Variants in DIS3L2 observed in about 807,000 individuals in gnomAD.
DIS3L2 encodes DIS3 like 3'-5' exoribonuclease 2.
A neutral mutation model predicts 97.5 loss-of-function variants in DIS3L2; 34 were observed. The ratio of observed to expected loss-of-function variants is 0.35; its 90% CI spans 0.27 to 0.46. The LOEUF (loss-of-function observed/expected upper bound fraction) is 0.46, where lower values mean the gene tolerates loss of function less well. Among genes scored for constraint, DIS3L2 ranks in the 20% least tolerant of loss-of-function variants. The pLI is 1.00. For synonymous variants in DIS3L2, 435 were observed against 445.2 expected, an observed-to-expected ratio of 0.98 and a Z score of 0.29; for missense variants, 1,038 against 1,146.0, an observed-to-expected ratio of 0.91 and a Z score of 1.36.
chr2:232,316,703 A>C (rs1001728593), intron 14 of DIS3L2, among the ~76,000 whole-genome samples: 1 of 152,208 alleles, frequency 6.6e-6, no homozygotes, highest in Non-Finnish European at 1.5e-5. Context: ...GTTCTGCTTC[A>C]TGTTTCAAAG....
chr2:232,115,596 A>G (rs1697681694), intron 6 of DIS3L2, among the ~76,000 whole-genome samples: 1 of 152,118 alleles, frequency 6.6e-6, no homozygotes, highest in Non-Finnish European at 1.5e-5. Flanking sequence ...TGTAATTGCC[A>G]TGTGTCGAGG....
chr2:232,054,732 C>G (rs936424547), intron 5 of DIS3L2, among the ~76,000 whole-genome samples: 11 of 152,130 alleles, frequency 7.2e-5, no homozygotes, highest in Admixed American at 7.2e-4. Context: ...CAAAACTATT[C>G]TGGAGAACAG....
chr2:232,024,413 C>A, intron 4 of DIS3L2, 83 bp downstream of exon 4: 1 of 1,138,590 alleles, frequency 8.8e-7, no homozygotes, highest in Non-Finnish European at 1.3e-6. Flanking sequence ...TATATTCTAA[C>A]TAAAAAGCAG....
At chr2:232,022,846 A>C (rs1694556787) in intron 3 of DIS3L2, among the ~76,000 whole-genome samples, 1 of 152,198 alleles carries the variant, frequency 6.6e-6, no homozygotes, top group African/African-American at 2.4e-5. Context: ...TCCTTCCCTC[A>C]ACAAGAAACA....
rs1487933005 is a variant in DIS3L2 at position 232,336,904 on chromosome 2, G to T, written c.*274G>T. ...GCCCCCCTTTTTTCTGGGCCCTACT[G>T]CCCTCCTCTGCCCAGGAAATGGGGG... On this transcript the variant is annotated 3_prime_UTR_variant, in exon 21 of 21. Transcript: ENST00000325385. The T allele has an allele frequency of 1.2e-5, 15 of 1,266,906 alleles. No individual in the cohort carries two copies. Among genetic ancestry groups the T allele is most frequent in the Non-Finnish European group, 1.5e-5 (15 of 1,001,702 alleles). The allele number at this position is 1,266,906 out of a possible 1,614,324, so 78.5% of individuals were successfully genotyped here. A position where few individuals can be genotyped will look rare whatever the true frequency, so the allele number is the denominator to read the frequency against.
intron 5 of DIS3L2, among the ~76,000 whole-genome samples, chr2:232,067,967 G>C (rs1695897757): frequency 6.6e-6 from 1 of 152,120 alleles, no homozygotes; most frequent in South Asian, 2.1e-4. Context: ...GCTGATATGA[G>C]AAAGATTTAC....
At chr2:232,033,929 C>CT (rs1559558279) in intron 5 of DIS3L2, among the ~76,000 whole-genome samples, 1 of 152,048 alleles carries the variant, frequency 6.6e-6, no homozygotes, top group Admixed American at 6.5e-5. Context: ...CTGAAATTTT[C>CT]TTTTTTTGTT....
chr2:232,246,932 T>C (rs1320878221), intron 11 of DIS3L2, among the ~76,000 whole-genome samples: 2 of 1,394 alleles, frequency 1.4e-3, no homozygotes, highest in Non-Finnish European at 2.3e-3. Context: ...TTACTTTATT[T>C]GGATTTCACT....
chr2:232,162,623 T>C (rs1690686785), intron 8 of DIS3L2, among the ~76,000 whole-genome samples: 1 of 152,242 alleles, frequency 6.6e-6, no homozygotes, highest in Non-Finnish European at 1.5e-5. Flanking sequence ...TGGAGCACCC[T>C]GGTAGATAAG....
At chr2:232,277,628 T>C (rs1694174996) in intron 13 of DIS3L2, among the ~76,000 whole-genome samples, 1 of 152,236 alleles carries the variant, frequency 6.6e-6, no homozygotes, top group Admixed American at 6.5e-5. Context: ...AACATTTTTC[T>C]ATATATCCTA....
chr2:232,329,785 T>TGCCGGGGGCGGCCC, intron 14 of DIS3L2, 28 bp from the exon 15 acceptor site: 2 of 967,144 alleles, frequency 2.1e-6, no homozygotes, highest in Non-Finnish European at 2.9e-6. Context: ...ACCCCAGCGG[T>TGCCGGGGGCGGCCC]CCCTCCCATC....
intron 6 of DIS3L2, among the ~76,000 whole-genome samples, chr2:232,129,699 GGCA>G (rs1270854203): frequency 6.6e-6 from 1 of 152,168 alleles, no homozygotes; most frequent in Non-Finnish European, 1.5e-5. Context: ...TTTGCTAAAA[GGCA>G]GCCAGTCCTG....
chr2:232,196,811 A>G (rs1227584326), intron 9 of DIS3L2, among the ~76,000 whole-genome samples: 2 of 151,708 alleles, frequency 1.3e-5, no homozygotes, highest in Non-Finnish European at 1.5e-5. Context: ...TATGGTTGCC[A>G]TAACAATCAT....
At chr2:232,323,379 G>T (rs1695489533) in intron 14 of DIS3L2, among the ~76,000 whole-genome samples, 1 of 152,200 alleles carries the variant, frequency 6.6e-6, no homozygotes, top group Non-Finnish European at 1.5e-5. Flanking sequence ...CCCCATTACG[G>T]CCACTGGGGC....
chr2:232,143,610 G>A (rs1381786346), intron 8 of DIS3L2, among the ~76,000 whole-genome samples: 2 of 151,972 alleles, frequency 1.3e-5, no homozygotes, highest in African/African-American at 2.4e-5. Context: ...CCCCGGAAAC[G>A]ATCACTATTA....
At chr2:231,993,253 C>G (rs561993446) in intron 1 of DIS3L2, among the ~76,000 whole-genome samples, 11 of 151,658 alleles carry the variant, frequency 7.3e-5, no homozygotes, top group African/African-American at 2.7e-4. Flanking sequence ...TTTTTTGAGA[C>G]AGAGTCTTGG....
intron 6 of DIS3L2, among the ~76,000 whole-genome samples, chr2:232,122,640 C>T (rs1291441806): frequency 6.6e-6 from 1 of 152,152 alleles, no homozygotes; most frequent in Non-Finnish European, 1.5e-5. Context: ...ATCACTTGAA[C>T]CTGGGAGGCA....
intron 6 of DIS3L2, among the ~76,000 whole-genome samples, chr2:232,104,458 T>G (rs1421280963): frequency 6.6e-6 from 1 of 152,208 alleles, no homozygotes; most frequent in Non-Finnish European, 1.5e-5. Context: ...TAGCAATTTT[T>G]AAGTGTACAA....
In DIS3L2 at chr2:232,164,714, C is replaced by T. The variant is rs1164388699; in HGVS notation, c.1124+1082C>T. 4.6e-5 allele frequency among the ~76,000 whole-genome samples: 7 copies of T among 152,132 alleles called. 1 individual carries two copies. In the South Asian group the frequency reaches 1.5e-3, roughly 32 times the overall value. ...CCCTTTCCTACTTGTTAGTATCTCTCATAGAACACATATTACATTTGAAGT... is the reference window on the plus strand; with the variant it reads ...CCCTTTCCTACTTGTTAGTATCTCTTATAGAACACATATTACATTTGAAGT... On this transcript the variant is annotated intron_variant, in intron 9 of 20. Coordinates refer to ENST00000325385, the MANE Select transcript of DIS3L2 (RefSeq NM_152383.5).
Sources: allele counts gnomAD v4.1 joint callset (sites outside exome capture counted in the v4.1 genomes callset), GRCh38; gene constraint gnomAD v4.1.1; transcripts MANE v1.5; gene names NCBI Gene and HGNC (gene_info 2026-07-23, HGNC 2026-07-21).